Variants in HNF1B observed in about 807,000 individuals in gnomAD.
HNF1B encodes HNF1 homeobox B.
HNF1B carries 8 observed loss-of-function variants against 61.7 expected under a neutral mutation model. The ratio of observed to expected loss-of-function variants is 0.13; its 90% confidence interval spans 0.08 to 0.23. The LOEUF is 0.23. Ranked by LOEUF, HNF1B falls within the 10% of genes least tolerant of loss-of-function variation. The pLI, the probability that HNF1B is intolerant of heterozygous loss-of-function variation, is 1.00. For synonymous variants in HNF1B, 314 were observed against 287.7 expected (o/e 1.09, Z -0.93); for missense variants, 562 against 714.5 (o/e 0.79, Z 2.43).
rs774985096 is a variant in HNF1B, at chr17:37,719,632, C to T, written c.1046-8969G>A. On this transcript the variant is annotated intron_variant, in intron 4 of 8. Coordinates refer to ENST00000617811, the MANE Select transcript of HNF1B (RefSeq NM_000458.4). Reference sequence around the variant, plus strand: ...AGAGATAATATGGCTGCAACAAAGGCCTCTAGGCCTAGTGGACAAGGAGAA... The same window carrying T: ...AGAGATAATATGGCTGCAACAAAGGTCTCTAGGCCTAGTGGACAAGGAGAA... 5.9e-4 allele frequency among the ~76,000 whole-genome samples: 90 copies of T among 152,310 alleles called. 1 individual carries two copies. In the Middle Eastern group the frequency reaches 0.024, roughly 40 times the overall value.
intron 2 of HNF1B, among the ~76,000 whole-genome samples, chr17:37,738,085 C>T (rs577827304): frequency 3.7e-4 from 56 of 152,304 alleles, no homozygotes; most frequent in African/African-American, 1.2e-3. Flanking sequence ...AGGGCCCAAG[C>T]GTTGTTGGGT....
chr17:37,705,818 G>A (rs1411317064), intron 5 of HNF1B, among the ~76,000 whole-genome samples: 1 of 152,038 alleles, frequency 6.6e-6, no homozygotes, highest in Non-Finnish European at 1.5e-5. Context: ...TAATAGATGT[G>A]CTTATTTTGC....
chr17:37,741,276 A>G (rs775970025), intron 1 of HNF1B, among the ~76,000 whole-genome samples: 7 of 152,228 alleles, frequency 4.6e-5, no homozygotes, highest in Non-Finnish European at 8.8e-5. Flanking sequence ...TTTTATAAGC[A>G]TTTGGGTAGT....
At position 37,696,528 on chromosome 17, in the gene HNF1B, G is replaced by T. The variant is rs541838593; in HGVS notation, c.1653+2548C>A. Reference sequence around the variant, plus strand: ...CACACTCTCACCACGTGATGCACCTGCCCTGTCTGCACCTTCCGCCATGCT... The same window carrying T: ...CACACTCTCACCACGTGATGCACCTTCCCTGTCTGCACCTTCCGCCATGCT... On this transcript the variant is annotated intron_variant, in intron 8 of 8. Transcript: ENST00000617811. 1.1e-4 allele frequency among the ~76,000 whole-genome samples: 17 copies of T among 152,290 alleles called. No individual in the cohort carries two copies. In the East Asian group the frequency reaches 3.1e-3, roughly 28 times the overall value.
At chr17:37,726,417 C>A (rs940120345) in intron 4 of HNF1B, among the ~76,000 whole-genome samples, 4 of 152,170 alleles carry the variant, frequency 2.6e-5, no homozygotes, top group African/African-American at 9.7e-5. Context: ...GGAACTCGGC[C>A]CAGGGCCTGG....
intron 5 of HNF1B, 132 bp downstream of exon 5, chr17:37,710,371 C>T (rs1040336716): frequency 2.2e-5 from 27 of 1,228,934 alleles, no homozygotes; most frequent in Non-Finnish European, 3.0e-5. Context: ...TCCTTTCCGA[C>T]TCTGGACAGC....
intron 3 of HNF1B, 26 bp from the exon 4 acceptor site, chr17:37,731,856 T>C (rs1385174341): frequency 7.7e-7 from 1 of 1,306,906 alleles, no homozygotes; most frequent in Admixed American, 2.1e-5. Context: ...GGGGAGATGG[T>C]GAGTGAGGGG....
At chr17:37,732,707 T>G (rs1274548493) in intron 3 of HNF1B, among the ~76,000 whole-genome samples, 1 of 152,144 alleles carries the variant, frequency 6.6e-6, no homozygotes, top group Non-Finnish European at 1.5e-5. Flanking sequence ...GCCCTGTGGC[T>G]AGAGCCTGTA....
intron 8 of HNF1B, among the ~76,000 whole-genome samples, chr17:37,696,598 T>G (rs1193047172): frequency 1.3e-5 from 2 of 152,238 alleles, no homozygotes; most frequent in Non-Finnish European, 2.9e-5. Context: ...GCTGGCATCA[T>G]GCTTCCTGTG....
chr17:37,718,518 G>A (rs1019365153), intron 4 of HNF1B, among the ~76,000 whole-genome samples: 7 of 152,174 alleles, frequency 4.6e-5, no homozygotes, highest in Non-Finnish European at 1.0e-4. Flanking sequence ...GTTCAGAGAG[G>A]ACAAGGTTGT....
chr17:37,687,109 C>G lies in HNF1B; in HGVS notation c.*263G>C. ...TGCTTCCTCTTCGGAGGTTCCTTGT[C>G]TCCCACCTCCAGGACAGACAGGAGT... On this transcript the variant is annotated 3_prime_UTR_variant, in exon 9 of 9. Coordinates refer to ENST00000617811, the MANE Select transcript of HNF1B (RefSeq NM_000458.4). 1 of 624,204 alleles carries G rather than the reference C, an allele frequency of 1.6e-6. No homozygotes were observed. Among genetic ancestry groups the G allele is most frequent in the Non-Finnish European group, 2.9e-6 (1 of 349,388 alleles). 38.7% of individuals were successfully genotyped at this position (624,204 alleles called of 1,614,324 possible).
At chr17:37,691,213 G>A (rs1338323173) in intron 8 of HNF1B, among the ~76,000 whole-genome samples, 1 of 152,228 alleles carries the variant, frequency 6.6e-6, no homozygotes, top group East Asian at 1.9e-4. Context: ...ATAAAGGCCA[G>A]TCTGCAGTGA....
In HNF1B at chr17:37,717,584, G is replaced by A. The variant is rs765390178; in HGVS notation, c.1046-6921C>T. Among the ~76,000 whole-genome samples the A allele has an allele frequency of 2.0e-5, 3 of 152,292 alleles. No individual in the cohort carries two copies. The East Asian group carries it at 5.8e-4, about 29-fold the overall frequency. Reference sequence around the variant, plus strand: ...GTTGGGGAGATGACAGGGAGAGACTGGGCCAGGCTTGATGGACCCAGTACT... The same window carrying A: ...GTTGGGGAGATGACAGGGAGAGACTAGGCCAGGCTTGATGGACCCAGTACT... On this transcript the variant is annotated intron_variant, in intron 4 of 8. Transcript: ENST00000617811.
At chr17:37,733,481 T>C in intron 3 of HNF1B, 76 bp downstream of exon 3, 1 of 1,541,084 alleles carries the variant, frequency 6.5e-7, no homozygotes, top group Non-Finnish European at 9.0e-7. Flanking sequence ...AGTGTCTCAA[T>C]ATCCCAGGAC....
intron 8 of HNF1B, among the ~76,000 whole-genome samples, chr17:37,698,323 A>C (rs912940516): frequency 6.6e-6 from 1 of 151,668 alleles, no homozygotes; most frequent in African/African-American, 2.4e-5. Context: ...CCTGTTTTCT[A>C]ACTCTCGGTG....
chr17:37,733,724 A>G lies in HNF1B; in HGVS notation c.642T>C (p.His214=). 1 of 1,614,192 alleles carries G rather than the reference A, an allele frequency of 6.2e-7. No individual in the cohort carries two copies. Among genetic ancestry groups the G allele is most frequent in the Non-Finnish European group, 8.5e-7 (1 of 1,180,042 alleles). The change falls in exon 3 of 9, where the codon CAT becomes CAC. Residue 214 remains histidine (H), a synonymous_variant. Transcript: ENST00000617811. The stretch of plus-strand genomic sequence containing the variant: ...AGGCATCATCGGACTGCCCAGGCCC[A>G]TGGCTCTGTTGACTGAACTCTGGAA... The part of the protein sequence containing the change: ...FLFPEFSQQS[H]GPGQSDDACS...
intron 8 of HNF1B, among the ~76,000 whole-genome samples, chr17:37,687,861 T>C (rs1051677009): frequency 6.6e-6 from 1 of 151,976 alleles, no homozygotes; most frequent in African/African-American, 2.4e-5. Context: ...CCTGTGAAAA[T>C]GTGGATTCTG....
At chr17:37,712,947 T>C (rs1305602186) in intron 4 of HNF1B, among the ~76,000 whole-genome samples, 1 of 152,154 alleles carries the variant, frequency 6.6e-6, no homozygotes, top group Non-Finnish European at 1.5e-5. Context: ...TTCTAAACAC[T>C]GAATGGAATT....
chr17:37,731,774 T>A lies in HNF1B; in HGVS notation c.866A>T (p.Asn289Ile). The A allele has an allele frequency of 6.2e-7, 1 of 1,613,838 alleles. No homozygotes were observed. Among genetic ancestry groups the A allele is most frequent in the Non-Finnish European group, 8.5e-7 (1 of 1,179,940 alleles). The stretch of plus-strand genomic sequence containing the variant: ...GTAGACACGGACCTCAGTGACCAAG[T>A]TGGAGCCCAGGCCGTGGGCTTTGGA... The part of the protein sequence containing the change: ...SPSKAHGLGS[N>I]LVTEVRVYNW... Residue 289 changes from asparagine to isoleucine, a missense_variant, in exon 4 of 9, where the codon AAC becomes ATC. This residue lies in a region of HNF1B where 54 missense variants were observed against 122.1 expected (regional missense o/e 0.44). Coordinates refer to ENST00000617811, the MANE Select transcript of HNF1B (RefSeq NM_000458.4).
Sources: allele counts gnomAD v4.1 joint callset (sites outside exome capture counted in the v4.1 genomes callset), GRCh38; gene constraint gnomAD v4.1.1; regional missense constraint gnomAD v4.1.1; transcripts MANE v1.5; gene names NCBI Gene and HGNC (gene_info 2026-07-23, HGNC 2026-07-21).